Variants in PMPCB observed in about 807,000 individuals in gnomAD.
The protein encoded by PMPCB is peptidase, mitochondrial processing subunit beta.
PMPCB carries 46 observed loss-of-function variants against 61.5 expected under a neutral mutation model. The observed-to-expected ratio is 0.75, with a 90% CI of 0.59 to 0.96. The LOEUF is 0.96. Among genes scored for constraint, PMPCB ranks in the 40% least tolerant of loss-of-function variants. The probability of loss-of-function intolerance (pLI) is 0.00; values close to 1 mark genes in which losing one functional copy is unlikely to be tolerated. For synonymous variants in PMPCB, 191 were observed against 201.6 expected (o/e 0.95, Z 0.44); for missense variants, 590 against 602.4 (o/e 0.98, Z 0.22).
At chr7:103,318,657 T>C (rs1241139560), downstream of PMPCB, among the ~76,000 whole-genome samples, 2 of 152,226 alleles carry the variant, frequency 1.3e-5, no homozygotes, top group Non-Finnish European at 2.9e-5. Context: ...TAGTAGGTAC[T>C]AATACTTGTT....
At chr7:103,315,707 T>A (rs116799108), downstream of PMPCB, 985 of 1,186,708 alleles carry the variant, frequency 8.3e-4, 5 homozygotes, top group African/African-American at 0.014. Flanking sequence ...GTCTTGTACG[T>A]CCAAGCAGCA....
chr7:103,324,373 A>C (rs866865735), intron 12 of PMPCB: 69 of 971,816 alleles, frequency 7.1e-5, no homozygotes, highest in South Asian at 6.9e-4. Flanking sequence ...TTGTTCAGTG[A>C]AGGTTCTGCA....
At position 103,310,329 on chromosome 7, in the gene PMPCB, GCTGGCC is replaced by G. The variant is rs745649013; in HGVS notation, c.1010_1015del (p.Leu337_Ala338del). On this transcript the variant is annotated inframe_deletion, in exon 9 of 13. Transcript: ENST00000249269. ...TTTCCTTGCAGAATTTATCTAGCAAGCTGGCCCAGCTCACTTGTCATGGCAATCTTT... is the reference window on the plus strand; with the variant it reads ...TTTCCTTGCAGAATTTATCTAGCAAGCAGCTCACTTGTCATGGCAATCTTT... 14 of 1,611,858 alleles carry G rather than the reference GCTGGCC, an allele frequency of 8.7e-6. No individual in the cohort carries two copies. The highest frequency in any genetic ancestry group is 1.1e-5 in the Non-Finnish European group (13 of 1,179,300).
intron 1 of PMPCB, 146 bp downstream of exon 1, chr7:103,297,704 T>C (rs773124804): frequency 1.3e-6 from 2 of 1,535,826 alleles, no homozygotes; most frequent in Admixed American, 3.9e-5. Context: ...GGCCTGGGGC[T>C]GCTGAACTGG....
intron 1 of PMPCB, chr7:103,297,863 A>T (rs1392373092): frequency 6.9e-7 from 1 of 1,459,576 alleles, no homozygotes; most frequent in Non-Finnish European, 9.1e-7. Flanking sequence ...AAAACTAAAA[A>T]GTGAAATGGG....
Position 103,312,793 on chromosome 7 carries a change from G to C in PMPCB, c.*522G>C, listed in dbSNP as rs150086368. ...CTGCCAGGGCCTAGAAAGTTTCTAA[G>C]GTTGCTCATTTCTTCCTCATAATAT... On this transcript the variant is annotated 3_prime_UTR_variant, in exon 13 of 13. Transcript: ENST00000249269. 1,060 of 1,509,220 alleles carry C rather than the reference G, an allele frequency of 7.0e-4. 8 individuals are homozygous for C. In the African/African-American group the frequency reaches 0.013, roughly 18 times the overall value. 93.5% of individuals were successfully genotyped at this position (1,509,220 alleles called of 1,614,324 possible).
At chr7:103,297,630 C>CG in intron 1 of PMPCB, 72 bp downstream of exon 1, 1 of 1,594,330 alleles carries the variant, frequency 6.3e-7, no homozygotes, top group Non-Finnish European at 8.5e-7. Context: ...TGAGAGTCGG[C>CG]GCCACAGATC....
chr7:103,340,462 C>A, the PMPCB span, among the ~76,000 whole-genome samples: 1 of 152,158 alleles, frequency 6.6e-6, no homozygotes, highest in Admixed American at 6.5e-5. Flanking sequence ...CTCTTATTAT[C>A]CATTATTTGT....
In PMPCB at chr7:103,314,502, C is replaced by T. The variant is rs143922430; in HGVS notation, c.*2231C>T. On this transcript the variant is annotated 3_prime_UTR_variant, in exon 13 of 13. Coordinates refer to ENST00000249269, the MANE Select transcript of PMPCB (RefSeq NM_004279.3). The stretch of plus-strand genomic sequence containing the variant: ...ACTGGACAAATATCAGGGCCCACCT[C>T]CCTCCAACATGGAAACAAGTCCCCC... 7.8e-4 allele frequency: 772 copies of T among 985,388 alleles called. 1 individual carries two copies. Among genetic ancestry groups the T allele is most frequent in the Non-Finnish European group, 8.8e-4 (731 of 829,922 alleles). The allele number at this position is 985,388 out of a possible 1,614,324, so 61.0% of individuals were successfully genotyped here. A position where few individuals can be genotyped will look rare whatever the true frequency, so the allele number is the denominator to read the frequency against.
the PMPCB span, among the ~76,000 whole-genome samples, chr7:103,343,836 A>C: frequency 6.6e-6 from 1 of 152,210 alleles, no homozygotes; most frequent in African/African-American, 2.4e-5. Flanking sequence ...TAGTTGTAAG[A>C]GGCACACGGA....
chr7:103,344,400 A>T, the PMPCB span: 1 of 718,436 alleles, frequency 1.4e-6, no homozygotes, highest in Non-Finnish European at 2.3e-6. Flanking sequence ...GGGTAGGATT[A>T]CTTTAAAACA....
In PMPCB at chr7:103,321,568, C is replaced by T. The variant is rs1418666774; in HGVS notation, c.*1432-7363C>T. Among the ~76,000 whole-genome samples the T allele has an allele frequency of 8.0e-5, 12 of 150,814 alleles. No individual in the cohort carries two copies. In the East Asian group the frequency reaches 2.4e-3, roughly 30 times the overall value. On this transcript the variant is annotated intron_variant and NMD_transcript_variant, in intron 12 of 12. Transcript: ENST00000444457. ...TTTTTTTTTTCAAGAAATATTTTGG[C>T]TGGGTGCAGTGGCTCATGCCTGTAG...
chr7:103,322,811 A>G (rs1190960730), intron 12 of PMPCB: 3 of 1,582,956 alleles, frequency 1.9e-6, no homozygotes, highest in Non-Finnish European at 2.6e-6. Context: ...AATAGAAAAT[A>G]TTGGAAACAA....
chr7:103,311,503 C>A, intron 9 of PMPCB, 140 bp from the exon 10 acceptor site: 1 of 627,600 alleles, frequency 1.6e-6, no homozygotes, highest in Non-Finnish European at 2.8e-6. Flanking sequence ...GGAAAATAAT[C>A]ATTTTAGCTT....
intron 12 of PMPCB, chr7:103,327,755 C>A: frequency 6.2e-7 from 1 of 1,604,772 alleles, no homozygotes; most frequent in South Asian, 1.1e-5. Context: ...ATTGCTTTAT[C>A]TACAAAACCA....
chr7:103,324,801 T>G (rs902606820), intron 12 of PMPCB: 2 of 271,282 alleles, frequency 7.4e-6, no homozygotes, highest in African/African-American at 4.4e-5. Flanking sequence ...CGGGACAGAC[T>G]TCTAATCACA....
At chr7:103,300,727 T>C (rs988437792) in intron 4 of PMPCB, among the ~76,000 whole-genome samples, 2 of 152,182 alleles carry the variant, frequency 1.3e-5, no homozygotes, top group Admixed American at 6.5e-5. Context: ...CTCTGTCACC[T>C]AGGCTGGAGT....
chr7:103,326,532 CCTTAA>C, intron 12 of PMPCB: 1 of 1,613,688 alleles, frequency 6.2e-7, no homozygotes, highest in East Asian at 2.2e-5. Context: ...AAAAGGGATG[CCTTAA>C]CTTACCTGGA....
At chr7:103,299,758 G>C (rs1253123415) in intron 3 of PMPCB, among the ~76,000 whole-genome samples, 1 of 152,112 alleles carries the variant, frequency 6.6e-6, no homozygotes, top group Non-Finnish European at 1.5e-5. Flanking sequence ...GAAGCCTGAT[G>C]TACCTTATTT....
Sources: allele counts gnomAD v4.1 joint callset (sites outside exome capture counted in the v4.1 genomes callset), GRCh38; gene constraint gnomAD v4.1.1; transcripts MANE v1.5; gene names NCBI Gene and HGNC (gene_info 2026-07-23, HGNC 2026-07-21).